Variants in NME7 observed in about 807,000 individuals in gnomAD.
NME7 encodes NME/NM23 family member 7.
In NME7, 41 loss-of-function variants were observed where a neutral mutation model predicts 49.1. The ratio of observed to expected loss-of-function variants is 0.83; its 90% CI spans 0.65 to 1.08. The LOEUF (loss-of-function observed/expected upper bound fraction) is 1.08. Ranked by LOEUF, NME7 falls within the 50% of genes least tolerant of loss-of-function variation. NME7 has a pLI of 0.00. For missense variants in NME7, 423 were observed against 463.4 expected, an observed-to-expected ratio of 0.91 and a Z score of 0.80; for synonymous variants, 139 against 150.6, an observed-to-expected ratio of 0.92 and a Z score of 0.56.
chr1:169,191,803 A>C (rs1167305775), intron 10 of NME7, among the ~76,000 whole-genome samples: 2 of 152,132 alleles, frequency 1.3e-5, no homozygotes, highest in Admixed American at 6.5e-5. Flanking sequence ...GCACTTAACA[A>C]ATTTAAATCT....
intron 1 of NME7, among the ~76,000 whole-genome samples, chr1:169,332,377 A>C (rs1421313394): frequency 6.6e-6 from 1 of 152,214 alleles, no homozygotes; most frequent in Non-Finnish European, 1.5e-5. Context: ...CTACAAGAAA[A>C]CATGGGAGAA....
intron 3 of NME7, among the ~76,000 whole-genome samples, chr1:169,318,564 G>C (rs923147002): frequency 2.0e-5 from 3 of 152,118 alleles, no homozygotes; most frequent in African/African-American, 4.8e-5. Context: ...ACAGAAGTAG[G>C]TTTTTCAATG....
At chr1:169,180,318 T>C (rs528344254) in intron 10 of NME7, among the ~76,000 whole-genome samples, 5 of 152,352 alleles carry the variant, frequency 3.3e-5, no homozygotes, top group Admixed American at 3.3e-4. Context: ...CTTGTGTTTT[T>C]AAAAGCATGT....
chr1:169,280,199 T>C (rs1250411670), intron 7 of NME7, among the ~76,000 whole-genome samples: 1 of 152,202 alleles, frequency 6.6e-6, no homozygotes, highest in Non-Finnish European at 1.5e-5. Flanking sequence ...TGATTTGCAT[T>C]TCTCTAATGA....
intron 10 of NME7, among the ~76,000 whole-genome samples, chr1:169,224,159 C>T (rs978022817): frequency 5.9e-5 from 9 of 152,214 alleles, no homozygotes; most frequent in African/African-American, 1.7e-4. Context: ...GCCAATCAGG[C>T]TCTGACACAC....
chr1:169,169,421 T>G (rs1390248977), intron 11 of NME7, 26 bp downstream of exon 11: 2 of 1,562,184 alleles, frequency 1.3e-6, no homozygotes, highest in Admixed American at 3.5e-5. Flanking sequence ...GAAATATAAA[T>G]AGGATGTTTA....
chr1:169,188,534 C>A (rs2101759175), intron 10 of NME7, among the ~76,000 whole-genome samples: 1 of 152,298 alleles, frequency 6.6e-6, no homozygotes, highest in African/African-American at 2.4e-5. Flanking sequence ...AAAGAGCACA[C>A]CTGGCTTGGC....
At chr1:169,150,523 G>C (rs920159090) in intron 11 of NME7, among the ~76,000 whole-genome samples, 1 of 152,066 alleles carries the variant, frequency 6.6e-6, no homozygotes, top group African/African-American at 2.4e-5. Flanking sequence ...CTACAAAATA[G>C]AGACAAGCAT....
intron 11 of NME7, among the ~76,000 whole-genome samples, chr1:169,134,009 C>G (rs1658344937): frequency 6.6e-6 from 1 of 152,170 alleles, no homozygotes; most frequent in African/African-American, 2.4e-5. Context: ...TTGTGTGTGT[C>G]TGTAACTTTC....
At chr1:169,198,541 G>A (rs1189731651) in intron 10 of NME7, among the ~76,000 whole-genome samples, 1 of 151,980 alleles carries the variant, frequency 6.6e-6, no homozygotes, top group East Asian at 1.9e-4. Context: ...AAGGAATAAA[G>A]TACTGAATGC....
At chr1:169,154,441 T>C (rs1659004490) in intron 11 of NME7, among the ~76,000 whole-genome samples, 1 of 152,134 alleles carries the variant, frequency 6.6e-6, no homozygotes, top group Non-Finnish European at 1.5e-5. Flanking sequence ...GGAGATAAAA[T>C]TAATTTTTAA....
intron 8 of NME7, among the ~76,000 whole-genome samples, chr1:169,237,200 A>G (rs186285787): frequency 8.0e-4 from 122 of 152,192 alleles, no homozygotes; most frequent in East Asian, 6.7e-3. Flanking sequence ...AGCAAAAGGC[A>G]CTGGTTAGGG....
chr1:169,230,190 C>G (rs1185470653), intron 10 of NME7, among the ~76,000 whole-genome samples: 3 of 152,014 alleles, frequency 2.0e-5, no homozygotes, highest in African/African-American at 7.2e-5. Context: ...TTGTCACCCC[C>G]CTACACCTAT....
At chr1:169,319,738 T>C (rs1571385803) in intron 3 of NME7, among the ~76,000 whole-genome samples, 2 of 152,192 alleles carry the variant, frequency 1.3e-5, no homozygotes, top group Admixed American at 6.6e-5. Context: ...TGAAAGTTAA[T>C]AGATGGGCAC....
intron 1 of NME7, among the ~76,000 whole-genome samples, chr1:169,362,242 T>A (rs562344162): frequency 9.2e-5 from 14 of 152,272 alleles, no homozygotes; most frequent in African/African-American, 2.9e-4. Context: ...ACAAACAACT[T>A]TGAGACATTT....
chr1:169,271,174 T>C (rs1452003176), intron 7 of NME7, among the ~76,000 whole-genome samples: 1 of 133,528 alleles, frequency 7.5e-6, no homozygotes, highest in African/African-American at 2.5e-5. Flanking sequence ...AAATGAGAAG[T>C]GAAACCACTG....
intron 10 of NME7, among the ~76,000 whole-genome samples, chr1:169,171,258 C>T (rs34975352): frequency 6.6e-6 from 1 of 151,678 alleles, no homozygotes; most frequent in African/African-American, 2.4e-5. Flanking sequence ...GTCCCAGCTA[C>T]TTGGGAGGCT....
chr1:169,335,053 G>A (rs1652405473), intron 1 of NME7, among the ~76,000 whole-genome samples: 1 of 152,018 alleles, frequency 6.6e-6, no homozygotes, highest in South Asian at 2.1e-4. Context: ...TTAAAAAGTA[G>A]GAAACAAGGT....
At chr1:169,194,287 G>C (rs1660311913) in intron 10 of NME7, among the ~76,000 whole-genome samples, 1 of 152,176 alleles carries the variant, frequency 6.6e-6, no homozygotes, top group African/African-American at 2.4e-5. Flanking sequence ...GGGCGACATA[G>C]TTCTGTTTAA....
Sources: gnomAD v4.1 joint callset for allele counts (sites outside exome capture counted in the v4.1 genomes callset) on GRCh38, gnomAD v4.1.1 for gene constraint, MANE v1.5 for transcripts, NCBI Gene and HGNC (gene_info 2026-07-23, HGNC 2026-07-21) for gene names.